Variants in ACACB observed in about 807,000 individuals in gnomAD.
The protein encoded by ACACB is acetyl-CoA carboxylase beta.
ACACB carries 209 observed loss-of-function variants against 278.8 expected under a neutral mutation model. The ratio of observed to expected loss-of-function variants is 0.75; its 90% CI spans 0.67 to 0.84. ACACB has a LOEUF of 0.84. Ranked by LOEUF, ACACB falls within the 40% of genes least tolerant of loss-of-function variation. The probability of loss-of-function intolerance (pLI) is 0.00; values close to 1 mark genes in which losing one functional copy is unlikely to be tolerated. For missense variants in ACACB, 2,850 were observed against 3,269.0 expected, an observed-to-expected ratio of 0.87 and a Z score of 3.13; for synonymous variants, 1,174 against 1,285.6, an observed-to-expected ratio of 0.91 and a Z score of 1.86.
At chr12:109,144,440 GC>G (rs2043188963) in intron 2 of ACACB, among the ~76,000 whole-genome samples, 1 of 152,128 alleles carries the variant, frequency 6.6e-6, no homozygotes, top group Admixed American at 6.5e-5. Flanking sequence ...TGACTCTTTT[GC>G]ACACATACAG....
intron 47 of ACACB, among the ~76,000 whole-genome samples, chr12:109,259,369 T>G (rs1355128584): frequency 6.6e-6 from 1 of 151,878 alleles, no homozygotes; most frequent in Admixed American, 6.6e-5. Flanking sequence ...GGCCAGGAGT[T>G]TGAGACCAGC....
intron 4 of ACACB, among the ~76,000 whole-genome samples, chr12:109,170,795 T>G (rs56065789): frequency 0.12 from 10,042 of 84,292 alleles, 380 homozygotes; most frequent in African/African-American, 0.14. Context: ...TTGTGTGTGT[T>G]TTTTTTTTTA....
At chr12:109,145,510 G>A (rs1210299909) in intron 2 of ACACB, among the ~76,000 whole-genome samples, 1 of 151,968 alleles carries the variant, frequency 6.6e-6, no homozygotes, top group Non-Finnish European at 1.5e-5. Context: ...TTAGGTCCAT[G>A]TGTACACTTT....
intron 4 of ACACB, 125 bp from the exon 5 acceptor site, chr12:109,171,680 A>T (rs1400313415): frequency 1.4e-6 from 1 of 724,872 alleles, no homozygotes; most frequent in East Asian, 2.9e-5. Context: ...ATGTTTGTCC[A>T]TTGTTACCAT....
upstream of ACACB, among the ~76,000 whole-genome samples, chr12:109,114,451 T>C (rs962018882): frequency 2.6e-5 from 4 of 151,978 alleles, no homozygotes; most frequent in African/African-American, 7.3e-5. Context: ...ATTTAATTGG[T>C]GGGGGAAGGC....
In ACACB at chr12:109,188,147, G is replaced by A. The variant is rs1225546821; in HGVS notation, c.2129G>A (p.Arg710Gln). The A allele has an allele frequency of 5.0e-6, 8 of 1,602,002 alleles. No individual in the cohort carries two copies. Among genetic ancestry groups the A allele is most frequent in the East Asian group, 2.2e-5 (1 of 44,478 alleles). The change falls in exon 13 of 53, where the codon CGG (arginine) becomes CAG (glutamine). Residue 710 changes from arginine to glutamine, a missense_variant. Around this residue, in one of 3 missense-constraint regions of ACACB, gnomAD observed 2,265 missense variants for 2,561.3 expected, o/e 0.88. Transcript: ENST00000338432. ...CACTGCTTCTCCTGGGGAGAGAACC[G>A]GGAAGAGGCCATTTCGTCAGTATCT... Reference protein sequence around the residue: ...FGHCFSWGENREEAISNMVVA... With the variant: ...FGHCFSWGENQEEAISNMVVA...
intron 13 of ACACB, among the ~76,000 whole-genome samples, chr12:109,188,586 A>G (rs867706641): frequency 1.3e-5 from 2 of 151,462 alleles, no homozygotes; most frequent in Non-Finnish European, 2.9e-5. Context: ...CCTTTAAGAA[A>G]TGAAACGGTC....
chr12:109,252,193 G>A, intron 42 of ACACB, 37 bp downstream of exon 42: 6 of 1,417,738 alleles, frequency 4.2e-6, no homozygotes, highest in East Asian at 2.5e-5. Flanking sequence ...TGGATCCTTG[G>A]GGGCCAGGAG....
chr12:109,234,191 A>AT (rs1263544889), intron 31 of ACACB, 146 bp downstream of exon 31: 2 of 675,612 alleles, frequency 3.0e-6, no homozygotes, highest in East Asian at 5.5e-5. Context: ...TGCTCGCCTC[A>AT]TAGCTGGCGA....
chr12:109,254,476 A>G, intron 44 of ACACB, 142 bp downstream of exon 44: 1 of 872,782 alleles, frequency 1.1e-6, no homozygotes. Context: ...CTGAAATCAA[A>G]TGCAGGGAAA....
rs746413816 is a variant in ACACB, at chr12:109,206,793, C to T, written c.2997C>T (p.Val999=). 6.2e-7 allele frequency: 1 copy of T among 1,614,040 alleles called. No individual in the cohort carries two copies. The highest frequency in any genetic ancestry group is 1.3e-5 in the African/African-American group (1 of 74,918). The stretch of plus-strand genomic sequence containing the variant: ...AACTGCACCAGGTCTTCCACAGCGT[C>T]CTGGAAAACCTCACCAACGTCATGA... ...GEKLHQVFHS[V]LENLTNVMSG... Residue 999 remains valine (V), a synonymous_variant, in exon 20 of 53, where the codon GTC becomes GTT. Transcript: ENST00000338432.
rs187485723 is a variant in ACACB, at chr12:109,259,442, C to G, written c.6496+334C>G. Among the ~76,000 whole-genome samples the G allele has an allele frequency of 1.2e-4, 18 of 152,132 alleles. No homozygotes were observed. The East Asian group carries it at 3.5e-3, about 29-fold the overall frequency. On this transcript the variant is annotated intron_variant, in intron 47 of 52. Transcript: ENST00000338432. Reference sequence around the variant, plus strand: ...ACAAAATAAATGTTTAAAAAATTAGCTGGGCATGGTGGCACATGCCTATTG... The same window carrying G: ...ACAAAATAAATGTTTAAAAAATTAGGTGGGCATGGTGGCACATGCCTATTG...
chr12:109,129,133 A>G (rs902155831), intron 1 of ACACB, among the ~76,000 whole-genome samples: 4 of 152,136 alleles, frequency 2.6e-5, no homozygotes, highest in African/African-American at 9.6e-5. Context: ...AAAAGAATGG[A>G]TACAGATTTA....
intron 22 of ACACB, among the ~76,000 whole-genome samples, chr12:109,215,941 C>A (rs1349254620): frequency 1.3e-5 from 2 of 151,916 alleles, no homozygotes; most frequent in African/African-American, 4.8e-5. Context: ...GGACCACAGT[C>A]ATGCGCTACC....
chr12:109,218,859 C>T (rs112381995), intron 24 of ACACB, among the ~76,000 whole-genome samples: 8,364 of 151,764 alleles, frequency 0.055, 365 homozygotes, highest in African/African-American at 0.12. Context: ...ACCTCCACCT[C>T]CAGGGTTCAA....
Position 109,245,474 on chromosome 12 carries a change from A to G in ACACB, c.5179-152A>G, listed in dbSNP as rs1028821746. 8 of 815,448 alleles carry G rather than the reference A, an allele frequency of 9.8e-6. No homozygotes were observed. The African/African-American group carries it at 1.4e-4, about 14-fold the overall frequency. 50.5% of individuals were successfully genotyped at this position (815,448 alleles called of 1,614,324 possible). On this transcript the variant is annotated intron_variant, in intron 37 of 52. Coordinates refer to ENST00000338432, the MANE Select transcript of ACACB (RefSeq NM_001093.4). Reference sequence around the variant, plus strand: ...ACAGAGCCACTGGATGGGTGCTCATATTTAAATATGCTTTAAATATTTCAT... The same window carrying G: ...ACAGAGCCACTGGATGGGTGCTCATGTTTAAATATGCTTTAAATATTTCAT...
chr12:109,264,718 C>T (rs1217354592), intron 50 of ACACB, among the ~76,000 whole-genome samples: 1 of 152,072 alleles, frequency 6.6e-6, no homozygotes, highest in Non-Finnish European at 1.5e-5. Context: ...TGTTCCTGTC[C>T]AGCATTCACC....
chr12:109,229,302 G>A (rs891550920), intron 28 of ACACB, among the ~76,000 whole-genome samples: 1 of 152,042 alleles, frequency 6.6e-6, no homozygotes, highest in Admixed American at 6.6e-5. Context: ...TCTCATCCTC[G>A]TTTTACAGAT....
chr12:109,128,495 G>A (rs890707488), intron 1 of ACACB, among the ~76,000 whole-genome samples: 37 of 151,590 alleles, frequency 2.4e-4, no homozygotes, highest in Admixed American at 1.3e-3. Context: ...CCACCACCAC[G>A]CCCAGCTAAT....
Sources: allele counts gnomAD v4.1 joint callset (sites outside exome capture counted in the v4.1 genomes callset), GRCh38; gene constraint gnomAD v4.1.1; regional missense constraint gnomAD v4.1.1; transcripts MANE v1.5; gene names NCBI Gene and HGNC (gene_info 2026-07-23, HGNC 2026-07-21).